The following RARS2 variants were observed in gnomAD, a reference collection of about 807,000 sequenced individuals.
The protein encoded by RARS2 is arginyl-tRNA synthetase 2, mitochondrial.
Under a neutral mutation model 88.5 loss-of-function variants are expected in RARS2, and 67 were observed. That is an observed-to-expected ratio of 0.76 (90% CI 0.62 to 0.93). The LOEUF is 0.93. RARS2 is among the 40% of genes least tolerant of loss of function. RARS2 has a pLI of 0.00. For missense variants in RARS2, 664 were observed against 684.2 expected (o/e 0.97, Z 0.33); for synonymous variants, 239 against 230.3 (o/e 1.04, Z -0.34).
intron 4 of RARS2, among the ~76,000 whole-genome samples, chr6:87,559,465 A>C (rs1371920399): frequency 1.9e-5 from 1 of 52,202 alleles, no homozygotes; most frequent in African/African-American, 8.4e-5. Flanking sequence ...CTCTGTCTCA[A>C]AAAAAAAAAA....
rs1333245682 is a variant in RARS2 at position 87,567,064 on chromosome 6, C to T, written c.110+2453G>A. The stretch of plus-strand genomic sequence containing the variant: ...GTCAGGAGTTTGAGACCAGCCTGGC[C>T]AACATGGTGAAACCCCGTCTCTACT... On this transcript the variant is annotated intron_variant, in intron 2 of 19. Transcript: ENST00000369536. 5.9e-5 allele frequency among the ~76,000 whole-genome samples: 9 copies of T among 151,898 alleles called. No individual in the cohort carries two copies. In the South Asian group the frequency reaches 1.7e-3, roughly 28 times the overall value.
intron 1 of RARS2, among the ~76,000 whole-genome samples, chr6:87,569,819 A>G (rs1423917164): frequency 6.6e-6 from 1 of 152,100 alleles, no homozygotes; most frequent in African/African-American, 2.4e-5. Flanking sequence ...GTGGTTGCCA[A>G]GGGTTAAGGG....
intron 2 of RARS2, among the ~76,000 whole-genome samples, chr6:87,567,842 G>C (rs904144587): frequency 6.6e-6 from 1 of 152,162 alleles, no homozygotes; most frequent in African/African-American, 2.4e-5. Context: ...CGAGATCTCG[G>C]CTCACTCTAA....
intron 1 of RARS2, among the ~76,000 whole-genome samples, chr6:87,583,833 T>C (rs1416764210): frequency 6.6e-6 from 1 of 152,200 alleles, no homozygotes; most frequent in African/African-American, 2.4e-5. Flanking sequence ...TTCATGTTCC[T>C]GAATCTCAGT....
Position 87,555,515 on chromosome 6 carries a change from A to T in RARS2, c.298-10T>A. 1 of 1,586,236 alleles carries T rather than the reference A, an allele frequency of 6.3e-7. No homozygotes were observed. The highest frequency in any genetic ancestry group is 8.7e-7 in the Non-Finnish European group (1 of 1,154,892). On this transcript the variant is annotated splice_polypyrimidine_tract_variant and intron_variant, in intron 4 of 19. Coordinates refer to ENST00000369536, the MANE Select transcript of RARS2 (RefSeq NM_020320.5). ...CTTGTTGTAGCACTGTCTGAAAATTAAAGGACTGTAATTTAATGAACAAAA... is the reference window on the plus strand; with the variant it reads ...CTTGTTGTAGCACTGTCTGAAAATTTAAGGACTGTAATTTAATGAACAAAA...
At chr6:87,552,443 A>ATGGC (rs1235478541) in intron 5 of RARS2, among the ~76,000 whole-genome samples, 4 of 152,170 alleles carry the variant, frequency 2.6e-5, no homozygotes, top group Non-Finnish European at 4.4e-5. Flanking sequence ...AGAGGCAAAG[A>ATGGC]TGGCTGCTAG....
At chr6:87,522,546 A>G (rs747984701) in intron 11 of RARS2, among the ~76,000 whole-genome samples, 3 of 152,176 alleles carry the variant, frequency 2.0e-5, no homozygotes, top group Non-Finnish European at 4.4e-5. Context: ...AGACTGAAAA[A>G]ATTTCTCGAT....
intron 2 of RARS2, among the ~76,000 whole-genome samples, chr6:87,566,769 C>A (rs1484615514): frequency 7.0e-6 from 1 of 142,724 alleles, no homozygotes; most frequent in Non-Finnish European, 1.5e-5. Flanking sequence ...TAGCTTGAGC[C>A]TGGGAGCTTA....
Position 87,529,434 on chromosome 6 carries a change from A to G in RARS2, c.878+108T>C, listed in dbSNP as rs574791731. On this transcript the variant is annotated intron_variant, in intron 10 of 19. Transcript: ENST00000369536. Reference sequence around the variant, plus strand: ...TGAACAGGAAAAAGCACTATAAAAAATCCCAAGAAAGCTGCACATTGCATT... The same window carrying G: ...TGAACAGGAAAAAGCACTATAAAAAGTCCCAAGAAAGCTGCACATTGCATT... 4.4e-5 allele frequency: 35 copies of G among 787,252 alleles called. 1 individual carries two copies. In the Admixed American group the frequency reaches 5.8e-4, roughly 13 times the overall value. 48.8% of individuals were successfully genotyped at this position (787,252 alleles called of 1,614,324 possible).
intron 2 of RARS2, among the ~76,000 whole-genome samples, chr6:87,566,614 G>A (rs1489011435): frequency 6.6e-6 from 1 of 152,102 alleles, no homozygotes; most frequent in Admixed American, 6.5e-5. Context: ...GGAGGCTGAG[G>A]TAGGAGAATT....
At chr6:87,573,214 G>C (rs908994095) in intron 1 of RARS2, among the ~76,000 whole-genome samples, 1 of 152,154 alleles carries the variant, frequency 6.6e-6, no homozygotes, top group East Asian at 1.9e-4. Context: ...CGAAAGGGAA[G>C]CAGGCACATC....
intron 1 of RARS2, among the ~76,000 whole-genome samples, chr6:87,573,896 C>T (rs769877196): frequency 6.6e-6 from 1 of 152,146 alleles, no homozygotes; most frequent in African/African-American, 2.4e-5. Context: ...AGTTGATAGT[C>T]AAGTAAAAAT....
intron 5 of RARS2, among the ~76,000 whole-genome samples, chr6:87,554,937 C>T (rs1279643846): frequency 3.3e-5 from 5 of 151,816 alleles, no homozygotes; most frequent in Non-Finnish European, 5.9e-5. Context: ...CCTGTCTCTA[C>T]TAAAAATCCA....
At chr6:87,563,268 T>C (rs1788429959) in intron 3 of RARS2, among the ~76,000 whole-genome samples, 1 of 152,212 alleles carries the variant, frequency 6.6e-6, no homozygotes, top group African/African-American at 2.4e-5. Context: ...AGCCATCTCA[T>C]GAAAAACCTA....
chr6:87,565,725 T>C (rs1448246112), intron 2 of RARS2, among the ~76,000 whole-genome samples: 1 of 152,210 alleles, frequency 6.6e-6, no homozygotes, highest in East Asian at 1.9e-4. Context: ...TAAGCATCTA[T>C]ATAACTACTC....
At chr6:87,519,288 T>A (rs778181237) in intron 14 of RARS2, 3 of 375,950 alleles carry the variant, frequency 8.0e-6, no homozygotes, top group Non-Finnish European at 1.5e-5. Flanking sequence ...ACTGGTGACT[T>A]GTATCCAAAT....
rs75883914 is a variant in RARS2 at position 87,568,620 on chromosome 6, C to T, written c.110+897G>A. ...TCTATTTACATATAATCATGAGATC[C>T]TCTTGGTAGTGGCTGCCTCTCTTAC... On this transcript the variant is annotated intron_variant, in intron 2 of 19. Transcript: ENST00000369536. Among the ~76,000 whole-genome samples, 630 of 152,274 alleles carry T rather than the reference C, an allele frequency of 4.1e-3. 6 individuals are homozygous for T. Among genetic ancestry groups the T allele is most frequent in the African/African-American group, 0.015 (606 of 41,554 alleles).
At chr6:87,543,710 A>G (rs1781754933) in intron 7 of RARS2, among the ~76,000 whole-genome samples, 1 of 152,144 alleles carries the variant, frequency 6.6e-6, no homozygotes, top group African/African-American at 2.4e-5. Flanking sequence ...GGCTTTACTG[A>G]TACACATTTT....
At chr6:87,539,362 G>A (rs1780188290) in intron 8 of RARS2, among the ~76,000 whole-genome samples, 1 of 152,266 alleles carries the variant, frequency 6.6e-6, no homozygotes, top group Admixed American at 6.5e-5. Context: ...TCAAAGACCT[G>A]TCATAACATC....
Sources: gnomAD v4.1 joint callset for allele counts (sites outside exome capture counted in the v4.1 genomes callset) on GRCh38, gnomAD v4.1.1 for gene constraint, MANE v1.5 for transcripts, NCBI Gene and HGNC (gene_info 2026-07-23, HGNC 2026-07-21) for gene names.